The following FHOD3 variants were observed in gnomAD, a reference collection of about 807,000 sequenced individuals.
FHOD3 encodes the protein formin homology 2 domain containing 3, also known as FH1/FH2 domain-containing protein 3.
A neutral mutation model predicts 173.0 loss-of-function variants in FHOD3; 90 were observed. The ratio of observed to expected loss-of-function variants is 0.52; its 90% CI spans 0.44 to 0.62. FHOD3 has a LOEUF of 0.62. Ranked by LOEUF, FHOD3 falls within the 20% of genes least tolerant of loss-of-function variation. The pLI, the probability that FHOD3 is intolerant of heterozygous loss-of-function variation, is 0.00. For missense variants in FHOD3, 1,945 were observed against 2,034.7 expected (o/e 0.96, Z 0.85); for synonymous variants, 828 against 823.0 (o/e 1.01, Z -0.10).
chr18:36,514,477 T>C (rs532004791), intron 5 of FHOD3, among the ~76,000 whole-genome samples: 114 of 152,220 alleles, frequency 7.5e-4, no homozygotes, highest in Non-Finnish European at 1.3e-3. Flanking sequence ...GAGATAAGGG[T>C]GGGAGAGCTT....
intron 7 of FHOD3, among the ~76,000 whole-genome samples, chr18:36,600,131 C>T (rs2031134066): frequency 6.6e-6 from 1 of 152,094 alleles, no homozygotes; most frequent in Non-Finnish European, 1.5e-5. Context: ...GCCTTAGGAG[C>T]TCCAGATGAG....
intron 10 of FHOD3, among the ~76,000 whole-genome samples, chr18:36,627,999 G>GCCACATATGAAGGATTT: frequency 6.6e-6 from 1 of 152,192 alleles, no homozygotes; most frequent in East Asian, 1.9e-4. Flanking sequence ...GCCTTCAGAT[G>GCCACATATGAAGGATTT]CCACATATGA....
At chr18:36,309,732 C>T (rs573312492) in intron 1 of FHOD3, among the ~76,000 whole-genome samples, 65 of 152,344 alleles carry the variant, frequency 4.3e-4, no homozygotes, top group African/African-American at 1.4e-3. Context: ...AGCTGTTGGG[C>T]AGTCCTGTCC....
At chr18:36,592,634 A>G (rs1037713858) in intron 6 of FHOD3, among the ~76,000 whole-genome samples, 1 of 152,176 alleles carries the variant, frequency 6.6e-6, no homozygotes, top group Admixed American at 6.5e-5. Flanking sequence ...GGACTTCAGA[A>G]GGACCAGGCC....
At chr18:36,599,762 C>G (rs1184464111) in intron 7 of FHOD3, among the ~76,000 whole-genome samples, 1 of 152,126 alleles carries the variant, frequency 6.6e-6, no homozygotes, top group East Asian at 1.9e-4. Flanking sequence ...GGTGGTCCAC[C>G]TGGGGGTAAA....
At chr18:36,508,005 A>C (rs1185406832) in intron 4 of FHOD3, among the ~76,000 whole-genome samples, 1 of 152,222 alleles carries the variant, frequency 6.6e-6, no homozygotes, top group African/African-American at 2.4e-5. Context: ...AAACACTGTA[A>C]TTTGTGCAGT....
intron 3 of FHOD3, among the ~76,000 whole-genome samples, chr18:36,434,779 T>C (rs1354010129): frequency 6.6e-6 from 1 of 152,110 alleles, no homozygotes; most frequent in Non-Finnish European, 1.5e-5. Flanking sequence ...AAATACTTTG[T>C]TAAATTTATT....
At chr18:36,727,747 T>C (rs2149878963) in intron 19 of FHOD3, among the ~76,000 whole-genome samples, 1 of 152,212 alleles carries the variant, frequency 6.6e-6, no homozygotes, top group South Asian at 2.1e-4. Context: ...TCTGTGCAAA[T>C]TGCTTGCTAC....
At chr18:36,714,752 T>G (rs2040357633) in intron 18 of FHOD3, among the ~76,000 whole-genome samples, 2 of 152,198 alleles carry the variant, frequency 1.3e-5, no homozygotes, top group Admixed American at 1.3e-4. Flanking sequence ...AGATGGCATC[T>G]CATCTCCTTT....
intron 6 of FHOD3, among the ~76,000 whole-genome samples, chr18:36,581,649 C>T (rs1287014079): frequency 5.9e-5 from 9 of 152,154 alleles, no homozygotes; most frequent in Non-Finnish European, 1.3e-4. Context: ...CTGGAGGAGC[C>T]CTGGCCAAGG....
At chr18:36,334,749 A>G (rs2045214887) in intron 1 of FHOD3, among the ~76,000 whole-genome samples, 1 of 152,158 alleles carries the variant, frequency 6.6e-6, no homozygotes, top group Non-Finnish European at 1.5e-5. Flanking sequence ...GTACCAGAAA[A>G]CTGACTTTCT....
At chr18:36,680,064 C>T (rs569877570) in intron 14 of FHOD3, among the ~76,000 whole-genome samples, 15 of 152,136 alleles carry the variant, frequency 9.9e-5, no homozygotes, top group Non-Finnish European at 2.2e-4. Context: ...AGAAGTTTGT[C>T]TGAACTTATT....
At chr18:36,719,200 C>G (rs2040624954) in intron 19 of FHOD3, among the ~76,000 whole-genome samples, 1 of 152,356 alleles carries the variant, frequency 6.6e-6, no homozygotes, top group East Asian at 1.9e-4. Flanking sequence ...TGGCCCTGAT[C>G]AAGCCAGCAT....
intron 1 of FHOD3, among the ~76,000 whole-genome samples, chr18:36,321,313 G>A (rs1004256684): frequency 6.6e-6 from 1 of 152,044 alleles, no homozygotes; most frequent in African/African-American, 2.4e-5. Flanking sequence ...GCTCCCATGT[G>A]TGGGCTATAG....
intron 3 of FHOD3, among the ~76,000 whole-genome samples, chr18:36,408,414 A>G (rs937224383): frequency 3.3e-5 from 5 of 152,052 alleles, no homozygotes; most frequent in African/African-American, 1.2e-4. Flanking sequence ...TAAGGGGTTA[A>G]TGCCCTGAGG....
At chr18:36,348,199 A>T (rs972544934) in intron 1 of FHOD3, among the ~76,000 whole-genome samples, 1 of 152,352 alleles carries the variant, frequency 6.6e-6, no homozygotes, top group Middle Eastern at 3.4e-3. Context: ...TGCTCCATTT[A>T]AAAGGAACCA....
rs67473480 is a variant in FHOD3 at position 36,600,252 on chromosome 18, AACACACAC to A, written c.719-2392_719-2385del. 7.6e-3 allele frequency among the ~76,000 whole-genome samples: 1,094 copies of A among 143,162 alleles called. 31 individuals are homozygous for A. The highest frequency in any genetic ancestry group is 0.049 in the Admixed American group (702 of 14,414). The allele number at this position is 143,162 out of a possible 152,430, so 93.9% of individuals were successfully genotyped here. Reference sequence around the variant, plus strand: ...CCAGTACAGGAACCCTCTCCTCTGCAACACACACACACACACACACACACACACACACA... The same window carrying A: ...CCAGTACAGGAACCCTCTCCTCTGCAACACACACACACACACACACACACA... On this transcript the variant is annotated intron_variant, in intron 7 of 28. Coordinates refer to ENST00000590592, the MANE Select transcript of FHOD3 (RefSeq NM_001281740.3).
intron 1 of FHOD3, among the ~76,000 whole-genome samples, chr18:36,311,099 T>C (rs1263735898): frequency 6.6e-6 from 1 of 151,506 alleles, no homozygotes; most frequent in East Asian, 1.9e-4. Context: ...AGAAAGAGAA[T>C]TGGGGCAAAG....
intron 2 of FHOD3, among the ~76,000 whole-genome samples, chr18:36,371,721 A>T (rs2047198666): frequency 6.6e-6 from 1 of 152,134 alleles, no homozygotes; most frequent in Non-Finnish European, 1.5e-5. Flanking sequence ...CCTTGGTGAG[A>T]TCTCTGTTCC....
Sources: allele counts gnomAD v4.1 joint callset (sites outside exome capture counted in the v4.1 genomes callset), GRCh38; gene constraint gnomAD v4.1.1; transcripts MANE v1.5; gene names NCBI Gene and HGNC (gene_info 2026-07-23, HGNC 2026-07-21).